Variants in RBMS3 observed in about 807,000 individuals in gnomAD.
RBMS3 encodes RNA binding motif single stranded interacting protein 3.
RBMS3 carries 27 observed loss-of-function variants against 66.8 expected under a neutral mutation model. The ratio of observed to expected loss-of-function variants is 0.40; its 90% CI spans 0.30 to 0.56. The LOEUF is 0.56. Among genes scored for constraint, RBMS3 ranks in the 20% least tolerant of loss-of-function variants. The pLI is 0.40. For synonymous variants in RBMS3, 188 were observed against 183.0 expected (o/e 1.03, Z -0.22); for missense variants, 513 against 549.5 (o/e 0.93, Z 0.66).
intron 1 of RBMS3, among the ~76,000 whole-genome samples, chr3:29,305,890 T>C (rs1028680649): frequency 6.6e-6 from 1 of 152,018 alleles, no homozygotes; most frequent in Non-Finnish European, 1.5e-5. Flanking sequence ...GTTATCAAAA[T>C]AGTAAACTGC....
At chr3:29,434,550 T>C (rs1045681373) in intron 1 of RBMS3, among the ~76,000 whole-genome samples, 193 bp from the exon 2 acceptor site, 1 of 152,156 alleles carries the variant, frequency 6.6e-6, no homozygotes, top group African/African-American at 2.4e-5. Flanking sequence ...TGACTTATGC[T>C]GATCTGAATG....
chr3:29,421,974 G>A (rs2125703225), intron 1 of RBMS3, among the ~76,000 whole-genome samples: 1 of 152,282 alleles, frequency 6.6e-6, no homozygotes, highest in Non-Finnish European at 1.5e-5. Context: ...AAATGCTTTA[G>A]GATTTATGTG....
intron 6 of RBMS3, among the ~76,000 whole-genome samples, chr3:29,817,621 A>G (rs910416617): frequency 6.6e-6 from 1 of 152,118 alleles, no homozygotes; most frequent in Non-Finnish European, 1.5e-5. Context: ...GTCAACATGC[A>G]TTTGGGAAAG....
At chr3:29,659,196 T>G (rs1230854984) in intron 4 of RBMS3, among the ~76,000 whole-genome samples, 1 of 152,172 alleles carries the variant, frequency 6.6e-6, no homozygotes, top group East Asian at 1.9e-4. Context: ...GTACAGAGAT[T>G]TTTTTTCCAA....
At chr3:29,871,611 T>C (rs1223750464) in intron 7 of RBMS3, among the ~76,000 whole-genome samples, 5 of 152,094 alleles carry the variant, frequency 3.3e-5, no homozygotes. Flanking sequence ...TTTTCTTAGA[T>C]AAAATGAAAG....
intron 10 of RBMS3, chr3:29,925,365 A>G (rs1036233371): frequency 8.9e-4 from 136 of 152,228 alleles, no homozygotes; most frequent in African/African-American, 3.2e-3. Flanking sequence ...TAAGCAGATG[A>G]CGTTATTTGG....
chr3:29,402,749 T>G (rs1342269231), intron 1 of RBMS3, among the ~76,000 whole-genome samples: 1 of 151,996 alleles, frequency 6.6e-6, no homozygotes, highest in Non-Finnish European at 1.5e-5. Context: ...TTTATGTTTT[T>G]CAAGGGGAGG....
intron 6 of RBMS3, among the ~76,000 whole-genome samples, chr3:29,816,395 C>G (rs535748736): frequency 6.6e-6 from 1 of 152,082 alleles, no homozygotes; most frequent in South Asian, 2.1e-4. Flanking sequence ...CCCCTACATG[C>G]AGGTGAGCTG....
chr3:29,694,037 A>T (rs1050570930), intron 4 of RBMS3, among the ~76,000 whole-genome samples: 1 of 152,200 alleles, frequency 6.6e-6, no homozygotes, highest in Non-Finnish European at 1.5e-5. Flanking sequence ...AATGACAGGA[A>T]CACTTACGCA....
intron 1 of RBMS3, among the ~76,000 whole-genome samples, chr3:29,431,296 C>CTT (rs1375213536): frequency 2.0e-4 from 19 of 94,770 alleles, no homozygotes; most frequent in Admixed American, 7.3e-4. Context: ...TTTCTTTTTC[C>CTT]TTTTCTTTTT....
At chr3:29,731,890 C>T (rs969549318) in intron 4 of RBMS3, among the ~76,000 whole-genome samples, 15 of 151,812 alleles carry the variant, frequency 9.9e-5, no homozygotes, top group African/African-American at 2.9e-4. Flanking sequence ...CTGTCCATCT[C>T]CCTCTCTTCC....
chr3:29,307,792 C>G (rs563386074), intron 1 of RBMS3, among the ~76,000 whole-genome samples: 1 of 151,850 alleles, frequency 6.6e-6, no homozygotes, highest in Non-Finnish European at 1.5e-5. Flanking sequence ...AAATTAATTG[C>G]TTGTCTATGA....
At chr3:29,409,159 A>G (rs1359622808) in intron 1 of RBMS3, among the ~76,000 whole-genome samples, 1 of 148,854 alleles carries the variant, frequency 6.7e-6, no homozygotes, top group East Asian at 1.9e-4. Flanking sequence ...TCTGTATAAC[A>G]AATAGAAATA....
chr3:29,588,251 A>G (rs1282743169), intron 4 of RBMS3, among the ~76,000 whole-genome samples: 1 of 152,096 alleles, frequency 6.6e-6, no homozygotes, highest in Non-Finnish European at 1.5e-5. Context: ...TCTGATTGAT[A>G]ATAGTGAACT....
intron 11 of RBMS3, among the ~76,000 whole-genome samples, chr3:29,938,803 C>T (rs1415752299): frequency 6.6e-6 from 1 of 151,942 alleles, no homozygotes; most frequent in Non-Finnish European, 1.5e-5. Flanking sequence ...CAAAACCTGA[C>T]TTTGTTCCCT....
intron 6 of RBMS3, among the ~76,000 whole-genome samples, chr3:29,843,642 A>C (rs974112093): frequency 4.6e-5 from 7 of 152,070 alleles, no homozygotes; most frequent in Non-Finnish European, 1.0e-4. Context: ...TTATCTGGGG[A>C]ATAAAGAGCC....
intron 1 of RBMS3, among the ~76,000 whole-genome samples, chr3:29,299,073 G>A (rs2033488271): frequency 6.6e-6 from 1 of 151,844 alleles, no homozygotes; most frequent in South Asian, 2.1e-4. Flanking sequence ...GAGGAGAAAG[G>A]GCAAGGACTG....
chr3:29,830,117 G>A (rs769526418), intron 6 of RBMS3, among the ~76,000 whole-genome samples: 1 of 151,922 alleles, frequency 6.6e-6, no homozygotes, highest in African/African-American at 2.4e-5. Context: ...ATTATATAGT[G>A]CAGATATTTT....
chr3:29,828,320 T>C (rs2058263665), intron 6 of RBMS3, among the ~76,000 whole-genome samples: 1 of 152,160 alleles, frequency 6.6e-6, no homozygotes, highest in South Asian at 2.1e-4. Context: ...TTTTTGTTAG[T>C]ATTATATTAT....
Sources: allele counts gnomAD v4.1 joint callset (sites outside exome capture counted in the v4.1 genomes callset), GRCh38; gene constraint gnomAD v4.1.1; transcripts MANE v1.5; gene names NCBI Gene and HGNC (gene_info 2026-07-23, HGNC 2026-07-21).